The following RIMS1 variants were observed in gnomAD, a reference collection of about 807,000 sequenced individuals.
The protein encoded by RIMS1 is regulating synaptic membrane exocytosis 1.
A neutral mutation model predicts 214.1 loss-of-function variants in RIMS1; 83 were observed. The ratio of observed to expected loss-of-function variants is 0.39; its 90% CI spans 0.32 to 0.47. The LOEUF is 0.47. Among genes scored for constraint, RIMS1 ranks in the 20% least tolerant of loss-of-function variants. The pLI is 0.99. For synonymous variants in RIMS1, 793 were observed against 786.8 expected (o/e 1.01, Z -0.13); for missense variants, 2,050 against 2,161.8 (o/e 0.95, Z 1.03).
intron 4 of RIMS1, among the ~76,000 whole-genome samples, chr6:72,128,228 T>C (rs571358446): frequency 6.6e-5 from 10 of 152,208 alleles, no homozygotes; most frequent in African/African-American, 1.9e-4. Context: ...CTGGCAAAAG[T>C]CTTATTTAAC....
chr6:72,326,058 TTAAC>T (rs2096451225), intron 28 of RIMS1, among the ~76,000 whole-genome samples: 1 of 151,828 alleles, frequency 6.6e-6, no homozygotes, highest in Non-Finnish European at 1.5e-5. Context: ...TTTTTGTTAT[TTAAC>T]TTTTAAAATT....
chr6:72,166,326 A>G (rs530264418), intron 4 of RIMS1, among the ~76,000 whole-genome samples: 2 of 150,866 alleles, frequency 1.3e-5, no homozygotes, highest in Admixed American at 6.6e-5. Context: ...AAGAACACTA[A>G]TCCTATTGAG....
rs182011621 is a variant in RIMS1 at position 72,159,887 on chromosome 6, C to T, written c.472-19688C>T. Among the ~76,000 whole-genome samples the T allele has an allele frequency of 4.5e-4, 63 of 139,436 alleles. 3 individuals carry two copies. The highest frequency in any genetic ancestry group is 3.5e-3 in the Middle Eastern group (1 of 282). 91.5% of individuals were successfully genotyped at this position (139,436 alleles called of 152,430 possible). A position where few individuals can be genotyped will look rare whatever the true frequency, so the allele number is the denominator to read the frequency against. On this transcript the variant is annotated intron_variant, in intron 4 of 33. Coordinates refer to ENST00000521978, the MANE Select transcript of RIMS1 (RefSeq NM_014989.7). Reference sequence around the variant, plus strand: ...TGGCAATGCGGGCTCTTTTTTGGTTCCATGTGAACTTTAAAGTGGTTTTTT... The same window carrying T: ...TGGCAATGCGGGCTCTTTTTTGGTTTCATGTGAACTTTAAAGTGGTTTTTT...
intron 26 of RIMS1, among the ~76,000 whole-genome samples, chr6:72,302,898 TAG>T (rs2094773505): frequency 6.6e-6 from 1 of 151,168 alleles, no homozygotes; most frequent in African/African-American, 2.4e-5. Context: ...TTGAAAATAT[TAG>T]GAGGTTTAAC....
At chr6:72,297,410 G>T (rs1341182238) in intron 26 of RIMS1, among the ~76,000 whole-genome samples, 3 of 151,922 alleles carry the variant, frequency 2.0e-5, no homozygotes, top group Non-Finnish European at 4.4e-5. Context: ...CCAAAAGAAA[G>T]AAAAATGTAA....
intron 2 of RIMS1, among the ~76,000 whole-genome samples, chr6:71,987,062 T>C (rs1340798691): frequency 6.6e-6 from 1 of 152,198 alleles, no homozygotes; most frequent in African/African-American, 2.4e-5. Flanking sequence ...GTAAAAATAG[T>C]CAAGGAGAAA....
At position 72,403,093 on chromosome 6, in the gene RIMS1, G is replaced by GT. The variant is rs1270667651; in HGVS notation, c.*2381dup. Reference sequence around the variant, plus strand: ...AATCTCAGTAAGAATCAAATGGAAGGTTGTTTTCTGCTGCTGTTTGAATGT... The same window carrying GT: ...AATCTCAGTAAGAATCAAATGGAAGGTTTGTTTTCTGCTGCTGTTTGAATGT... On this transcript the variant is annotated 3_prime_UTR_variant, in exon 34 of 34. Coordinates refer to ENST00000521978, the MANE Select transcript of RIMS1 (RefSeq NM_014989.7). 3.9e-5 allele frequency: 6 copies of GT among 152,294 alleles called. No individual in the cohort carries two copies. The highest frequency in any genetic ancestry group is 1.4e-4 in the African/African-American group (6 of 41,570). 9.4% of individuals were successfully genotyped at this position (152,294 alleles called of 1,614,324 possible).
At chr6:72,212,859 A>G (rs983892907) in intron 6 of RIMS1, 7 of 1,137,154 alleles carry the variant, frequency 6.2e-6, no homozygotes, top group Non-Finnish European at 2.2e-6. Context: ...AAGCTTGTCT[A>G]CAGTATTTTA....
At position 72,163,808 on chromosome 6, in the gene RIMS1, G is replaced by T. The variant is rs2153939250; in HGVS notation, c.472-15767G>T. 1.3e-5 allele frequency among the ~76,000 whole-genome samples: 2 copies of T among 148,868 alleles called. 1 individual carries two copies. The highest frequency in any genetic ancestry group is 4.4e-4 in the South Asian group (2 of 4,540). On this transcript the variant is annotated intron_variant, in intron 4 of 33. Transcript: ENST00000521978. ...ATCTGCCCCTACTGGCTGGGGGGGG[G>T]GGGCCTCCCAGTTAGGCTACTCGGT...
intron 29 of RIMS1, among the ~76,000 whole-genome samples, chr6:72,382,821 G>A (rs1003854414): frequency 6.6e-6 from 1 of 152,018 alleles, no homozygotes; most frequent in African/African-American, 2.4e-5. Context: ...CTTCCACCCT[G>A]CCTCCATCCG....
chr6:72,291,022 C>G (rs939602424), intron 25 of RIMS1, among the ~76,000 whole-genome samples, 161 bp downstream of exon 25: 4 of 152,162 alleles, frequency 2.6e-5, no homozygotes, highest in Admixed American at 2.0e-4. Flanking sequence ...CTATTACTTG[C>G]ATCTATCTTC....
At chr6:71,910,123 G>A (rs1776439987) in intron 1 of RIMS1, among the ~76,000 whole-genome samples, 1 of 152,080 alleles carries the variant, frequency 6.6e-6, no homozygotes, top group Non-Finnish European at 1.5e-5. Flanking sequence ...GTGAAAATCA[G>A]AAAGAGAGAG....
At chr6:72,181,012 T>G (rs2048335045) in intron 5 of RIMS1, among the ~76,000 whole-genome samples, 1 of 152,202 alleles carries the variant, frequency 6.6e-6, no homozygotes, top group African/African-American at 2.4e-5. Flanking sequence ...CAGTAGTCAT[T>G]GTGTATTTAC....
intron 4 of RIMS1, among the ~76,000 whole-genome samples, chr6:72,156,970 A>G (rs1330225791): frequency 7.1e-6 from 1 of 141,014 alleles, no homozygotes; most frequent in Non-Finnish European, 1.6e-5. Flanking sequence ...TTTAGAGCAG[A>G]TAATAATCAT....
At chr6:71,993,690 A>G (rs980136236) in intron 2 of RIMS1, among the ~76,000 whole-genome samples, 1 of 152,190 alleles carries the variant, frequency 6.6e-6, no homozygotes, top group Non-Finnish European at 1.5e-5. Context: ...GTGAGTTTCA[A>G]GTTGAACCTA....
rs965321092 is a variant in RIMS1, at chr6:72,100,185, T to G, written c.471+199T>G. ...TTGATATTAATAGATAAAGTCTGGA[T>G]AGTTTGAGTTCATGATGACAGTGAA... On this transcript the variant is annotated intron_variant, in intron 4 of 33. Transcript: ENST00000521978. Among the ~76,000 whole-genome samples the G allele has an allele frequency of 7.9e-5, 12 of 152,074 alleles. 1 individual carries two copies.
At chr6:72,391,562 C>A (rs928711451) in intron 30 of RIMS1, among the ~76,000 whole-genome samples, 2 of 151,986 alleles carry the variant, frequency 1.3e-5, no homozygotes, top group Non-Finnish European at 2.9e-5. Context: ...TACTCATATA[C>A]CAATTTGATA....
chr6:72,249,664 T>C (rs1334411317), intron 12 of RIMS1, among the ~76,000 whole-genome samples: 1 of 152,056 alleles, frequency 6.6e-6, no homozygotes, highest in Non-Finnish European at 1.5e-5. Context: ...TCCATCTACC[T>C]GGGAGGCTGA....
chr6:72,208,013 G>A (rs1390300932), intron 6 of RIMS1, among the ~76,000 whole-genome samples: 1 of 152,056 alleles, frequency 6.6e-6, no homozygotes, highest in Non-Finnish European at 1.5e-5. Context: ...ACCACACAGG[G>A]CCATGAGAAT....
Sources: gnomAD v4.1 joint callset for allele counts (sites outside exome capture counted in the v4.1 genomes callset) on GRCh38, gnomAD v4.1.1 for gene constraint, MANE v1.5 for transcripts, NCBI Gene and HGNC (gene_info 2026-07-23, HGNC 2026-07-21) for gene names.